Variants in EIF3H observed in about 807,000 individuals in gnomAD.
EIF3H encodes eukaryotic translation initiation factor 3 subunit H.
A neutral mutation model predicts 44.2 loss-of-function variants in EIF3H; 26 were observed. The ratio of observed to expected loss-of-function variants is 0.59; its 90% CI spans 0.43 to 0.82. The LOEUF is 0.82. Among genes scored for constraint, EIF3H ranks in the 40% least tolerant of loss-of-function variants. EIF3H has a pLI of 0.00. For missense variants in EIF3H, 359 were observed against 432.8 expected (o/e 0.83, Z 1.51); for synonymous variants, 166 against 151.9 (o/e 1.09, Z -0.68).
chr8:116,689,650 A>T, intron 2 of EIF3H, among the ~76,000 whole-genome samples: 1 of 152,200 alleles, frequency 6.6e-6, no homozygotes, highest in East Asian at 1.9e-4. Context: ...ACCAAGAAAA[A>T]CTAAAGCCAA....
chr8:116,747,783 T>C (rs1815263367), intron 1 of EIF3H, among the ~76,000 whole-genome samples: 1 of 152,160 alleles, frequency 6.6e-6, no homozygotes, highest in Admixed American at 6.5e-5. Context: ...TAGCCTGGCA[T>C]TACAAATTCG....
At chr8:116,664,037 T>C (rs1813627849) in intron 2 of EIF3H, among the ~76,000 whole-genome samples, 1 of 152,198 alleles carries the variant, frequency 6.6e-6, no homozygotes, top group Admixed American at 6.5e-5. Context: ...CCGCAAAATT[T>C]GGAAGGATTA....
At chr8:116,716,486 C>T (rs181670955) in intron 2 of EIF3H, among the ~76,000 whole-genome samples, 6 of 151,928 alleles carry the variant, frequency 3.9e-5, no homozygotes, top group Non-Finnish European at 8.8e-5. Flanking sequence ...TTCTGAGCTC[C>T]GTCAAGATTA....
At chr8:116,742,732 T>C (rs1000985325) in intron 1 of EIF3H, among the ~76,000 whole-genome samples, 2 of 152,200 alleles carry the variant, frequency 1.3e-5, no homozygotes, top group East Asian at 1.9e-4. Context: ...CTAAGGTAAG[T>C]GCAGAAGGAA....
intron 1 of EIF3H, among the ~76,000 whole-genome samples, chr8:116,752,800 GGAA>G (rs1563663311): frequency 0.027 from 2,415 of 89,514 alleles, 240 homozygotes; most frequent in East Asian, 0.17. Context: ...AGGGAGGGAA[GGAA>G]GGAAGGAAGG....
chr8:116,654,169 T>C (rs1343123044), intron 5 of EIF3H, among the ~76,000 whole-genome samples: 1 of 152,212 alleles, frequency 6.6e-6, no homozygotes, highest in Non-Finnish European at 1.5e-5. Flanking sequence ...GAACACCAAT[T>C]TACACTTTAA....
chr8:116,666,546 C>T (rs1417712285), intron 2 of EIF3H, among the ~76,000 whole-genome samples: 1 of 151,742 alleles, frequency 6.6e-6, no homozygotes, highest in East Asian at 1.9e-4. Flanking sequence ...GTCATGAAAA[C>T]ACATACACAT....
chr8:116,733,595 G>C (rs1401915415), intron 1 of EIF3H, among the ~76,000 whole-genome samples: 2 of 151,250 alleles, frequency 1.3e-5, no homozygotes, highest in Non-Finnish European at 2.9e-5. Context: ...GTATTTCAAG[G>C]CCCTTTAAAA....
intron 1 of EIF3H, among the ~76,000 whole-genome samples, chr8:116,730,480 G>A (rs749737430): frequency 7.2e-5 from 11 of 152,142 alleles, no homozygotes; most frequent in Admixed American, 2.6e-4. Flanking sequence ...TGTCTTTCAC[G>A]AAACCAGTCC....
intron 2 of EIF3H, among the ~76,000 whole-genome samples, chr8:116,703,127 T>A (rs1488119770): frequency 6.6e-6 from 1 of 152,214 alleles, no homozygotes; most frequent in East Asian, 1.9e-4. Context: ...TAGATATGAT[T>A]ATATATGAAT....
chr8:116,719,168 A>G (rs1814703519), intron 2 of EIF3H, among the ~76,000 whole-genome samples: 2 of 152,232 alleles, frequency 1.3e-5, no homozygotes, highest in Non-Finnish European at 2.9e-5. Context: ...CGGATTGAGA[A>G]ACAGCACTTG....
At chr8:116,747,054 ATGTTTTTT>A (rs892287907) in intron 1 of EIF3H, among the ~76,000 whole-genome samples, 7 of 150,780 alleles carry the variant, frequency 4.6e-5, no homozygotes, top group East Asian at 2.1e-4. Flanking sequence ...GTTCAATAAC[ATGTTTTTT>A]TGTTTTTTTG....
intron 5 of EIF3H, 42 bp from the exon 6 acceptor site, chr8:116,648,968 T>G: frequency 6.4e-7 from 1 of 1,574,134 alleles, no homozygotes; most frequent in Non-Finnish European, 8.7e-7. Context: ...TTACTTTAAA[T>G]TATAGCTTTG....
intron 2 of EIF3H, among the ~76,000 whole-genome samples, chr8:116,683,888 G>A (rs990520634): frequency 2.0e-5 from 3 of 152,036 alleles, no homozygotes; most frequent in Non-Finnish European, 2.9e-5. Flanking sequence ...CTGAAGCCAC[G>A]GGCATGATTA....
At position 116,706,366 on chromosome 8, in the gene EIF3H, C is replaced by T. The variant is rs141674918; in HGVS notation, c.289+19650G>A. 2.6e-4 allele frequency among the ~76,000 whole-genome samples: 39 copies of T among 152,250 alleles called. 1 individual carries two copies. In the East Asian group the frequency reaches 7.3e-3, roughly 29 times the overall value. ...AGGGCCTTTAGCACTTGGTTTTCCT[C>T]GTCTGTCTCTCTTCACACAGCTAGT... On this transcript the variant is annotated intron_variant, in intron 2 of 7. Coordinates refer to ENST00000521861, the MANE Select transcript of EIF3H (RefSeq NM_003756.3).
intron 1 of EIF3H, among the ~76,000 whole-genome samples, chr8:116,730,057 G>A (rs1413579813): frequency 6.6e-6 from 1 of 152,146 alleles, no homozygotes; most frequent in Non-Finnish European, 1.5e-5. Context: ...TCAAAACTAA[G>A]CTAGCTCATT....
intron 2 of EIF3H, among the ~76,000 whole-genome samples, chr8:116,682,794 C>CT (rs1175875713): frequency 1.3e-5 from 2 of 152,138 alleles, no homozygotes; most frequent in Non-Finnish European, 2.9e-5. Context: ...ATTCAACAAC[C>CT]TAATCAAGAG....
chr8:116,653,829 A>C (rs539926195), intron 5 of EIF3H, among the ~76,000 whole-genome samples: 1 of 152,226 alleles, frequency 6.6e-6, no homozygotes, highest in African/African-American at 2.4e-5. Context: ...ATTTTTCAAC[A>C]AAAGCAAATA....
At chr8:116,713,066 T>C (rs1814601472) in intron 2 of EIF3H, among the ~76,000 whole-genome samples, 1 of 152,178 alleles carries the variant, frequency 6.6e-6, no homozygotes, top group South Asian at 2.1e-4. Context: ...CCTTAAAGTT[T>C]AGTAAGAAAT....
Sources: allele counts gnomAD v4.1 joint callset (sites outside exome capture counted in the v4.1 genomes callset), GRCh38; gene constraint gnomAD v4.1.1; transcripts MANE v1.5; gene names NCBI Gene and HGNC (gene_info 2026-07-23, HGNC 2026-07-21).